Variants in PCDH15 observed in about 807,000 individuals in gnomAD.
PCDH15 encodes the protein protocadherin-15.
In PCDH15, 129 loss-of-function variants were observed where a neutral mutation model predicts 178.5. The ratio of observed to expected loss-of-function variants is 0.72; its 90% CI spans 0.63 to 0.84. PCDH15 has a LOEUF of 0.84. Ranked by LOEUF, PCDH15 falls within the 40% of genes least tolerant of loss-of-function variation. The pLI is 0.00. For missense variants in PCDH15, 2,230 were observed against 2,099.9 expected (o/e 1.06, Z -1.21); for synonymous variants, 800 against 732.0 (o/e 1.09, Z -1.50).
chr10:54,613,343 AG>A (rs1167212484), intron 2 of PCDH15, among the ~76,000 whole-genome samples: 1 of 151,986 alleles, frequency 6.6e-6, no homozygotes, highest in African/African-American at 2.4e-5. Flanking sequence ...ACAATTGTTC[AG>A]GAAGTTCAAT....
chr10:55,352,728 T>C (rs1844970104), intron 2 of PCDH15, among the ~76,000 whole-genome samples: 1 of 152,140 alleles, frequency 6.6e-6, no homozygotes, highest in African/African-American at 2.4e-5. Context: ...TTTTGGACTA[T>C]GATGTGTACC....
intron 3 of PCDH15, among the ~76,000 whole-genome samples, chr10:54,409,610 T>C (rs907859603): frequency 1.3e-5 from 2 of 152,166 alleles, no homozygotes; most frequent in African/African-American, 4.8e-5. Context: ...CTATTTACAG[T>C]ATATTCAGCT....
chr10:55,579,052 A>C (rs558156632), intron 2 of PCDH15, among the ~76,000 whole-genome samples: 3 of 152,296 alleles, frequency 2.0e-5, no homozygotes, highest in Admixed American at 1.3e-4. Context: ...CATTTTAAGC[A>C]TGTTTATTTT....
At chr10:54,791,546 G>T (rs1412306349) in intron 1 of PCDH15, among the ~76,000 whole-genome samples, 1 of 151,674 alleles carries the variant, frequency 6.6e-6, no homozygotes, top group African/African-American at 2.4e-5. Flanking sequence ...AACTTGCAGG[G>T]TTATCTAATT....
intron 2 of PCDH15, among the ~76,000 whole-genome samples, chr10:55,603,582 C>A (rs1271491432): frequency 2.0e-5 from 3 of 151,656 alleles, no homozygotes; most frequent in African/African-American, 7.3e-5. Flanking sequence ...AGAGTGGGGG[C>A]CAATATTCAA....
chr10:55,357,498 G>T (rs1167028562), intron 2 of PCDH15, among the ~76,000 whole-genome samples: 2 of 151,790 alleles, frequency 1.3e-5, no homozygotes, highest in Non-Finnish European at 2.9e-5. Context: ...TATGTCATCT[G>T]GTTTTATTTA....
At chr10:55,433,535 A>G (rs370000481) in intron 2 of PCDH15, among the ~76,000 whole-genome samples, 1 of 152,190 alleles carries the variant, frequency 6.6e-6, no homozygotes, top group South Asian at 2.1e-4. Context: ...CAATTTAGCT[A>G]TATAACAAAC....
At chr10:53,809,314 T>TTATC in intron 37 of PCDH15, 1 of 1,613,936 alleles carries the variant, frequency 6.2e-7, no homozygotes, top group Non-Finnish European at 8.5e-7. Context: ...CAAATAATCT[T>TTATC]TATCTTCTTC....
chr10:54,208,559 A>G (rs577392210), intron 10 of PCDH15, among the ~76,000 whole-genome samples: 23 of 152,156 alleles, frequency 1.5e-4, no homozygotes, highest in African/African-American at 5.5e-4. Context: ...TACAAACAGA[A>G]TTTGGCAATC....
rs779672469 is a variant in PCDH15 at position 54,022,904 on chromosome 10, G to T, written c.2514C>A (p.Ile838=). 1 of 1,613,626 alleles carries T rather than the reference G, an allele frequency of 6.2e-7. No homozygotes were observed. Among genetic ancestry groups the T allele is most frequent in the Non-Finnish European group, 8.5e-7 (1 of 1,179,758 alleles). ...VEENLPAGTT[I]LQIEAKDVDL... ...TTTTCCCACACACCTCTATTTGAAG[G>T]ATGGTAGTCCCAGCTGGCAAATTCT... is the stretch of plus-strand genomic sequence containing the variant. Residue 838 remains isoleucine (I), a synonymous_variant, in exon 19 of 38, where the codon ATC becomes ATA. Coordinates refer to ENST00000644397, the MANE Select transcript of PCDH15 (RefSeq NM_001384140.1).
In PCDH15 at chr10:55,383,159, T is replaced by C. The variant is rs1295087361; in HGVS notation, c.-155-216508A>G. Among the ~76,000 whole-genome samples, 3 of 152,118 alleles carry C rather than the reference T, an allele frequency of 2.0e-5. No individual in the cohort carries two copies. The East Asian group carries it at 5.8e-4, about 29-fold the overall frequency. ...AAGGGGAGCTGGAAAGGGGATGGTA[T>C]GGGAAGAAGGGGATCTTTTCCTGAA... On this transcript the variant is annotated intron_variant, in intron 2 of 5. Coordinates refer to the PCDH15 transcript ENST00000613346.
At chr10:55,286,853 T>C (rs1564969808) in intron 1 of PCDH15, among the ~76,000 whole-genome samples, 1 of 152,046 alleles carries the variant, frequency 6.6e-6, no homozygotes, top group Admixed American at 6.6e-5. Flanking sequence ...TATATATTTC[T>C]TTTCATGCAT....
At chr10:54,793,886 T>A (rs1398655166) in intron 1 of PCDH15, among the ~76,000 whole-genome samples, 2 of 148,226 alleles carry the variant, frequency 1.3e-5, no homozygotes, top group Admixed American at 1.3e-4. Flanking sequence ...TAAAAATATG[T>A]GAATAAATAA....
intron 25 of PCDH15, among the ~76,000 whole-genome samples, chr10:53,922,165 C>T (rs977511556): frequency 9.9e-5 from 15 of 152,094 alleles, no homozygotes; most frequent in African/African-American, 3.1e-4. Flanking sequence ...TCACAACCTA[C>T]AATCCCTGGT....
At chr10:53,847,394 G>A (rs1307816584) in intron 28 of PCDH15, among the ~76,000 whole-genome samples, 1 of 152,014 alleles carries the variant, frequency 6.6e-6, no homozygotes, top group Non-Finnish European at 1.5e-5. Context: ...GCTGGCTGGA[G>A]GGATAAAAAT....
chr10:54,182,789 T>C (rs1204484317), intron 13 of PCDH15, among the ~76,000 whole-genome samples: 16 of 152,108 alleles, frequency 1.1e-4, no homozygotes, highest in Admixed American at 1.0e-3. Context: ...TAGTGAAAAG[T>C]AATTTGAAGA....
At chr10:55,576,604 T>A (rs1249066291) in intron 2 of PCDH15, among the ~76,000 whole-genome samples, 1 of 152,186 alleles carries the variant, frequency 6.6e-6, no homozygotes, top group African/African-American at 2.4e-5. Flanking sequence ...ATAAATTTCA[T>A]CCATCCACAA....
chr10:54,771,194 A>G (rs1949048872), intron 1 of PCDH15, among the ~76,000 whole-genome samples: 1 of 151,898 alleles, frequency 6.6e-6, no homozygotes, highest in South Asian at 2.1e-4. Context: ...AATACCCCCA[A>G]TATTTGTTAA....
chr10:55,146,929 G>A (rs868804404), intron 2 of PCDH15, among the ~76,000 whole-genome samples: 31 of 151,494 alleles, frequency 2.0e-4, no homozygotes, highest in East Asian at 9.7e-4. Flanking sequence ...TATATGTGGC[G>A]GGGTGGGGGG....
Sources: allele counts gnomAD v4.1 joint callset (sites outside exome capture counted in the v4.1 genomes callset), GRCh38; gene constraint gnomAD v4.1.1; transcripts MANE v1.5; gene names NCBI Gene and HGNC (gene_info 2026-07-23, HGNC 2026-07-21).